The following SLIT3 variants were observed in gnomAD, a reference collection of about 807,000 sequenced individuals.
SLIT3 encodes slit homolog 3 protein.
Under a neutral mutation model 184.0 loss-of-function variants are expected in SLIT3, and 68 were observed. The ratio of observed to expected loss-of-function variants is 0.37; its 90% CI spans 0.30 to 0.45. The LOEUF (loss-of-function observed/expected upper bound fraction) is 0.45. Ranked by LOEUF, SLIT3 falls within the 20% of genes least tolerant of loss-of-function variation. The pLI, the probability that SLIT3 is intolerant of heterozygous loss-of-function variation, is 1.00. For synonymous variants in SLIT3, 831 were observed against 828.6 expected, an observed-to-expected ratio of 1.00 and a Z score of -0.05; for missense variants, 1,707 against 2,026.0, an observed-to-expected ratio of 0.84 and a Z score of 3.02.
At chr5:168,952,099 T>C (rs552768406) in intron 4 of SLIT3, among the ~76,000 whole-genome samples, 1 of 152,196 alleles carries the variant, frequency 6.6e-6, no homozygotes, top group African/African-American at 2.4e-5. Flanking sequence ...TAATGAGAAA[T>C]ATTCCCCCAA....
intron 4 of SLIT3, among the ~76,000 whole-genome samples, chr5:168,931,439 C>G (rs1761984165): frequency 6.6e-6 from 1 of 152,148 alleles, no homozygotes; most frequent in Non-Finnish European, 1.5e-5. Context: ...TCTGGGGATT[C>G]AGGGGTGAGC....
At chr5:169,159,447 G>A (rs1762404249) in intron 4 of SLIT3, among the ~76,000 whole-genome samples, 1 of 150,996 alleles carries the variant, frequency 6.6e-6, no homozygotes. Flanking sequence ...AACAACAACA[G>A]CAGCAAAAAA....
At chr5:168,929,187 C>G (rs923710933) in intron 4 of SLIT3, among the ~76,000 whole-genome samples, 1 of 152,132 alleles carries the variant, frequency 6.6e-6, no homozygotes, top group Non-Finnish European at 1.5e-5. Context: ...ACAGCAAGTG[C>G]TTCCCAACTC....
At chr5:169,014,089 G>GGGAA (rs1167241544) in intron 4 of SLIT3, among the ~76,000 whole-genome samples, 2 of 110,464 alleles carry the variant, frequency 1.8e-5, no homozygotes, top group African/African-American at 4.5e-5. Flanking sequence ...AATGTTTTGT[G>GGGAA]GGAAGGAAGG....
intron 10 of SLIT3, chr5:168,792,028 A>G (rs1449911259): frequency 6.6e-6 from 1 of 152,260 alleles, no homozygotes; most frequent in African/African-American, 2.4e-5. Context: ...TTCTGCAAGA[A>G]GGAAACAGCA....
At chr5:169,098,791 C>G (rs1425343766) in intron 4 of SLIT3, among the ~76,000 whole-genome samples, 1 of 152,306 alleles carries the variant, frequency 6.6e-6, no homozygotes, top group Non-Finnish European at 1.5e-5. Flanking sequence ...TTGCAAGAAG[C>G]AGGATTCACA....
intron 4 of SLIT3, among the ~76,000 whole-genome samples, chr5:168,965,955 T>C (rs1170703650): frequency 1.3e-5 from 2 of 152,184 alleles, no homozygotes; most frequent in African/African-American, 2.4e-5. Flanking sequence ...GAGCTGAGTA[T>C]CTCAACAAGG....
intron 4 of SLIT3, among the ~76,000 whole-genome samples, chr5:169,191,250 C>T (rs572849096): frequency 4.6e-5 from 7 of 152,208 alleles, no homozygotes; most frequent in Non-Finnish European, 1.0e-4. Context: ...TTCATCTAAC[C>T]ATTCAACCAT....
chr5:169,136,259 C>G (rs1761499564), intron 4 of SLIT3, among the ~76,000 whole-genome samples: 1 of 152,184 alleles, frequency 6.6e-6, no homozygotes, highest in Admixed American at 6.5e-5. Context: ...GAGACTGAAA[C>G]AGCAGTGGTG....
chr5:168,912,733 G>A (rs1202473023), intron 4 of SLIT3, among the ~76,000 whole-genome samples: 2 of 152,034 alleles, frequency 1.3e-5, no homozygotes, highest in Non-Finnish European at 2.9e-5. Context: ...GAAGAAACTA[G>A]GGTTTGCCCA....
Position 168,753,789 on chromosome 5 carries a change from C to T in SLIT3, c.1829+75G>A, listed in dbSNP as rs554549280. 36 of 1,537,554 alleles carry T rather than the reference C, an allele frequency of 2.3e-5. No homozygotes were observed. The East Asian group carries it at 3.4e-4, about 15-fold the overall frequency. Reference sequence around the variant, plus strand: ...ACAGTGCCTGGGTCCCACTTGCCTTCGTAGTCTGTCTCTAATTCCCCTGCC... The same window carrying T: ...ACAGTGCCTGGGTCCCACTTGCCTTTGTAGTCTGTCTCTAATTCCCCTGCC... On this transcript the variant is annotated intron_variant, in intron 17 of 35. Coordinates refer to ENST00000519560, the MANE Select transcript of SLIT3 (RefSeq NM_003062.4).
At chr5:169,021,204 G>A (rs1052181308) in intron 4 of SLIT3, among the ~76,000 whole-genome samples, 1 of 152,204 alleles carries the variant, frequency 6.6e-6, no homozygotes, top group Non-Finnish European at 1.5e-5. Context: ...CTAGCTCAGA[G>A]GTTTCCAAAG....
chr5:168,855,394 G>A (rs1561969913), intron 5 of SLIT3, among the ~76,000 whole-genome samples: 1 of 152,148 alleles, frequency 6.6e-6, no homozygotes, highest in Non-Finnish European at 1.5e-5. Context: ...ATTAAAAACA[G>A]GTGTTCAAAC....
intron 1 of SLIT3, among the ~76,000 whole-genome samples, chr5:169,273,188 C>A (rs1210066230): frequency 6.6e-6 from 1 of 152,176 alleles, no homozygotes; most frequent in Non-Finnish European, 1.5e-5. Context: ...GAAACAGAGT[C>A]CCCTCACCGT....
intron 2 of SLIT3, among the ~76,000 whole-genome samples, chr5:169,249,139 A>G (rs1018256165): frequency 3.1e-4 from 47 of 152,358 alleles, no homozygotes; most frequent in African/African-American, 1.1e-3. Context: ...GAGGAAAAAT[A>G]TGGTAAAAAT....
At chr5:168,956,441 TA>T (rs530501823) in intron 4 of SLIT3, among the ~76,000 whole-genome samples, 4 of 152,022 alleles carry the variant, frequency 2.6e-5, no homozygotes, top group Non-Finnish European at 2.9e-5. Flanking sequence ...TTAGGTTTAT[TA>T]AAAAAAATCA....
intron 1 of SLIT3, among the ~76,000 whole-genome samples, chr5:169,275,221 T>C (rs1314068117): frequency 1.3e-5 from 2 of 152,216 alleles, no homozygotes; most frequent in African/African-American, 4.8e-5. Flanking sequence ...ACATGAACCC[T>C]GGGACAACAG....
chr5:168,932,385 C>CACT (rs1056575137), intron 4 of SLIT3, among the ~76,000 whole-genome samples: 2 of 148,862 alleles, frequency 1.3e-5, no homozygotes, highest in Non-Finnish European at 3.0e-5. Flanking sequence ...CACACACACA[C>CACT]ACACACTACA....
At chr5:169,094,499 G>A (rs1462658007) in intron 4 of SLIT3, among the ~76,000 whole-genome samples, 4 of 152,166 alleles carry the variant, frequency 2.6e-5, no homozygotes, top group Non-Finnish European at 4.4e-5. Context: ...GCATGGTGGT[G>A]CACACCTGTA....
Sources: allele counts gnomAD v4.1 joint callset (sites outside exome capture counted in the v4.1 genomes callset), GRCh38; gene constraint gnomAD v4.1.1; transcripts MANE v1.5; gene names NCBI Gene and HGNC (gene_info 2026-07-23, HGNC 2026-07-21).